Variants in LYRM9 observed in about 807,000 individuals in gnomAD.
LYRM9 encodes LYR motif-containing protein 9.
A neutral mutation model predicts 12.6 loss-of-function variants in LYRM9; 14 were observed. The ratio of observed to expected loss-of-function variants is 1.11; its 90% CI spans 0.73 to 1.73. The LOEUF is 1.73. LYRM9 is among the 40% of genes most tolerant of loss of function. The pLI is 0.00. For missense variants in LYRM9, 94 were observed against 95.0 expected (o/e 0.99, Z 0.04); for synonymous variants, 42 against 35.1 (o/e 1.20, Z -0.69).
At chr17:27,880,229 T>C in intron 3 of LYRM9, 45 bp downstream of exon 3, 1 of 1,457,774 alleles carries the variant, frequency 6.9e-7, no homozygotes, top group Non-Finnish European at 9.5e-7. Context: ...ATCACAGCCA[T>C]CATCACCCCA....
intron 1 of LYRM9, chr17:27,892,389 G>C (rs2142603587): frequency 2.2e-6 from 1 of 455,812 alleles, no homozygotes; most frequent in Non-Finnish European, 4.4e-6. Flanking sequence ...CTCCTCCACA[G>C]TTTATAGTAC....
At chr17:27,884,341 C>G (rs1408491546) in intron 1 of LYRM9, among the ~76,000 whole-genome samples, 2 of 152,238 alleles carry the variant, frequency 1.3e-5, no homozygotes, top group African/African-American at 4.8e-5. Context: ...CCTGTCACTC[C>G]AGTCTCCTCC....
At position 27,878,619 on chromosome 17, in the gene LYRM9, G is replaced by C. The variant is rs1319786062; in HGVS notation, c.*854C>G. The C allele has an allele frequency of 6.6e-6, 1 of 152,234 alleles. No homozygotes were observed. The highest frequency in any genetic ancestry group is 1.5e-5 in the Non-Finnish European group (1 of 68,088). The allele number at this position is 152,234 out of a possible 1,614,324, so 9.4% of individuals were successfully genotyped here. A position where few individuals can be genotyped will look rare whatever the true frequency, so the allele number is the denominator to read the frequency against. On this transcript the variant is annotated 3_prime_UTR_variant, in exon 4 of 4. Transcript: ENST00000379102. ...CACGATGGTAGCAAAGCAGGGAAGT[G>C]CCAGTGGAAAGAGACTGCAGGTGCA...
intron 3 of LYRM9, 76 bp from the exon 4 acceptor site, chr17:27,879,566 C>T: frequency 2.0e-6 from 3 of 1,505,076 alleles, no homozygotes; most frequent in Non-Finnish European, 2.7e-6. Context: ...TCTCAGGCCT[C>T]CATCATCTGG....
Position 27,880,330 on chromosome 17 carries a change from T to C in LYRM9, c.163A>G (p.Arg55Gly). The change falls in exon 3 of 4, where the codon AGA becomes GGA. Residue 55 changes from arginine (R) to glycine (G), a missense_variant. Coordinates refer to ENST00000379102, the MANE Select transcript of LYRM9 (RefSeq NM_001076680.3). ...RVHSDEDNPE[R>G]IQQIIKRAIE... ...GCTCTTTTAATAATCTGCTGGATTC[T>C]CTCAGGGTTGTCTTCATCTGAATGA... is the stretch of plus-strand genomic sequence containing the variant. 1 of 1,609,788 alleles carries C rather than the reference T, an allele frequency of 6.2e-7. No individual in the cohort carries two copies. The highest frequency in any genetic ancestry group is 1.3e-5 in the African/African-American group (1 of 75,016).
At chr17:27,879,586 G>A in intron 3 of LYRM9, 96 bp from the exon 4 acceptor site, 2 of 1,370,798 alleles carry the variant, frequency 1.5e-6, no homozygotes, top group Non-Finnish European at 2.0e-6. Flanking sequence ...GACCTCACCT[G>A]CCTCCTGCAG....
In LYRM9 at chr17:27,879,840, A is replaced by G. The variant is rs551724261; in HGVS notation, c.220-350T>C. 2.1e-3 allele frequency: 1,151 copies of G among 559,512 alleles called. 4 individuals carry two copies. Among genetic ancestry groups the G allele is most frequent in the Non-Finnish European group, 2.7e-3 (868 of 317,370 alleles). The allele number at this position is 559,512 out of a possible 1,614,324, so 34.7% of individuals were successfully genotyped here. On this transcript the variant is annotated intron_variant, in intron 3 of 3. Coordinates refer to ENST00000379102, the MANE Select transcript of LYRM9 (RefSeq NM_001076680.3). ...AGACGCCAGTCTACATTCCTGACTCACTCCCTTCCTCCACCAAAACATACT... is the reference window on the plus strand; with the variant it reads ...AGACGCCAGTCTACATTCCTGACTCGCTCCCTTCCTCCACCAAAACATACT...
In LYRM9 at chr17:27,882,673, C is replaced by T. The variant is rs1283001680; in HGVS notation, c.22G>A (p.Glu8Lys). MAPLPGA[E>K]LVRRPLQLYR... ...AGCTGCAGTGGCCTCCGAACCAGTT[C>T]TGCTCCTGGCAGCGGGGCCATCCGT... Residue 8 changes from glutamate to lysine, a missense_variant, in exon 2 of 4, where the codon GAA (glutamate) becomes AAA (lysine). Coordinates refer to ENST00000379102, the MANE Select transcript of LYRM9 (RefSeq NM_001076680.3). 14 of 1,604,850 alleles carry T rather than the reference C, an allele frequency of 8.7e-6. No homozygotes were observed. The highest frequency in any genetic ancestry group is 1.2e-5 in the Non-Finnish European group (14 of 1,175,880).
chr17:27,887,519 C>T (rs935688213), intron 1 of LYRM9, among the ~76,000 whole-genome samples: 7 of 152,218 alleles, frequency 4.6e-5, no homozygotes, highest in African/African-American at 1.7e-4. Context: ...GATCTGGCCC[C>T]TACCTACCCC....
intron 3 of LYRM9, 55 bp downstream of exon 3, chr17:27,880,219 A>C: frequency 7.3e-7 from 1 of 1,378,656 alleles, no homozygotes; most frequent in Non-Finnish European, 1.0e-6. Flanking sequence ...GGTCATGGGG[A>C]TCACAGCCAT....
At chr17:27,892,835 ACAAAAAGGATCAATC>A (rs1396784503) in intron 1 of LYRM9, 3 of 156,798 alleles carry the variant, frequency 1.9e-5, no homozygotes, top group Non-Finnish European at 4.2e-5. Context: ...AACAATAACC[ACAAAAAGGATCAATC>A]CTAGGAGCGA....
At chr17:27,880,567 CT>C in intron 2 of LYRM9, 1 of 594,224 alleles carries the variant, frequency 1.7e-6, no homozygotes, top group Non-Finnish European at 3.0e-6. Context: ...CATTTGAATC[CT>C]AGTCTATGTG....
At chr17:27,881,332 C>A (rs1905048412) in intron 2 of LYRM9, 1 of 152,056 alleles carries the variant, frequency 6.6e-6, no homozygotes, top group South Asian at 2.1e-4. Flanking sequence ...TTAGGAGCGC[C>A]CCCCGCTCAG....
At chr17:27,892,511 G>A (rs1249176959) in intron 1 of LYRM9, 1 of 425,482 alleles carries the variant, frequency 2.4e-6, no homozygotes, top group Non-Finnish European at 4.6e-6. Context: ...GGTGAACCCA[G>A]AAAACATTAC....
rs142351999 is a variant in LYRM9, at chr17:27,885,172, C to A, written c.-18-2460G>T. On this transcript the variant is annotated intron_variant, in intron 1 of 3. Transcript: ENST00000379102. The stretch of plus-strand genomic sequence containing the variant: ...AGGTCTGAGTGGGACTATCAGAGCC[C>A]TGCATCCACATGGATATAAGGACTA... Among the ~76,000 whole-genome samples the A allele has an allele frequency of 4.1e-3, 630 of 152,318 alleles. 6 individuals carry two copies. Among genetic ancestry groups the A allele is most frequent in the African/African-American group, 0.015 (616 of 41,578 alleles).
chr17:27,878,662 C>G lies in LYRM9; in HGVS notation c.*811G>C, dbSNP rs369790842. The G allele has an allele frequency of 6.6e-6, 1 of 152,220 alleles. No homozygotes were observed. The highest frequency in any genetic ancestry group is 6.5e-5 in the Admixed American group (1 of 15,270). The allele number at this position is 152,220 out of a possible 1,614,324, so 9.4% of individuals were successfully genotyped here. ...CAGGTGCACAGAGGCTTGGACAGGC[C>G]AGAGTCCATGGCAGCTGCTTTGGCG... On this transcript the variant is annotated 3_prime_UTR_variant, in exon 4 of 4. Transcript: ENST00000379102.
intron 2 of LYRM9, 141 bp from the exon 3 acceptor site, chr17:27,880,507 A>G (rs1049610482): frequency 6.4e-6 from 4 of 626,784 alleles, no homozygotes; most frequent in Non-Finnish European, 1.1e-5. Context: ...TGTTATGATT[A>G]TCCCACACAG....
At chr17:27,882,438 G>C in intron 2 of LYRM9, 131 bp downstream of exon 2, 1 of 1,283,646 alleles carries the variant, frequency 7.8e-7, no homozygotes, top group Non-Finnish European at 1.0e-6. Context: ...CTGGTTTCCT[G>C]TGGCTCTTCC....
intron 1 of LYRM9, chr17:27,883,149 C>A: frequency 2.6e-6 from 1 of 385,436 alleles, no homozygotes. Context: ...TCAAAGTGTG[C>A]TCCTGAACCA....
Sources: gnomAD v4.1 joint callset for allele counts (sites outside exome capture counted in the v4.1 genomes callset) on GRCh38, gnomAD v4.1.1 for gene constraint, MANE v1.5 for transcripts, NCBI Gene and HGNC (gene_info 2026-07-23, HGNC 2026-07-21) for gene names.